GALNT13: variants seen among roughly 807,000 people sequenced by gnomAD.
GALNT13 encodes the protein UDP-GalNAc:polypeptide N-acetylgalactosaminyltransferase 13.
In GALNT13, 28 loss-of-function variants were observed where a neutral mutation model predicts 64.2. That is an observed-to-expected ratio of 0.44 (90% CI 0.32 to 0.60). GALNT13 has a LOEUF of 0.60. Ranked by LOEUF, GALNT13 falls within the 20% of genes least tolerant of loss-of-function variation. The pLI, the probability that GALNT13 is intolerant of heterozygous loss-of-function variation, is 0.05. For missense variants in GALNT13, 577 were observed against 669.8 expected (o/e 0.86, Z 1.53); for synonymous variants, 214 against 224.6 (o/e 0.95, Z 0.42).
chr2:153,642,429 A>G, the GALNT13 span, among the ~76,000 whole-genome samples: 4 of 151,914 alleles, frequency 2.6e-5, no homozygotes, highest in Non-Finnish European at 4.4e-5. Context: ...GACAAATACT[A>G]TAAAAATAGT....
At chr2:154,351,195 A>C (rs971552361) in intron 9 of GALNT13, among the ~76,000 whole-genome samples, 1 of 152,132 alleles carries the variant, frequency 6.6e-6, no homozygotes, top group African/African-American at 2.4e-5. Context: ...ATTCAGTCAA[A>C]GCTTTAATGG....
At chr2:153,171,537 T>C in the GALNT13 span, among the ~76,000 whole-genome samples, 2 of 152,298 alleles carry the variant, frequency 1.3e-5, no homozygotes, top group East Asian at 1.9e-4. Context: ...TATATGTTGG[T>C]GAATTTCTAA....
intron 9 of GALNT13, among the ~76,000 whole-genome samples, chr2:154,319,750 G>A (rs78267315): frequency 0.016 from 2,374 of 151,946 alleles, 23 homozygotes; most frequent in Middle Eastern, 0.048. Context: ...AAAAATATCA[G>A]TTAAATTGAG....
At chr2:154,301,279 G>T (rs1693426482) in intron 8 of GALNT13, 130 bp from the exon 9 acceptor site, 2 of 739,746 alleles carry the variant, frequency 2.7e-6, no homozygotes, top group Middle Eastern at 2.5e-4. Context: ...TAAGTATAGT[G>T]TACCAGTTCT....
chr2:154,110,361 A>AGG, intron 3 of GALNT13, among the ~76,000 whole-genome samples: 1 of 105,482 alleles, frequency 9.5e-6, no homozygotes, highest in Non-Finnish European at 1.8e-5. Context: ...AGAGAGAGAG[A>AGG]GAGAGAGAGA....
chr2:153,815,996 C>G, the GALNT13 span, among the ~76,000 whole-genome samples: 1 of 152,178 alleles, frequency 6.6e-6, no homozygotes, highest in Non-Finnish European at 1.5e-5. Context: ...TCAATTCACT[C>G]ACTCACAAGT....
chr2:154,038,222 C>T (rs957154084), intron 3 of GALNT13, among the ~76,000 whole-genome samples: 1 of 152,126 alleles, frequency 6.6e-6, no homozygotes. Flanking sequence ...AGGTTCAGTG[C>T]AATCCCTATT....
chr2:154,069,643 G>A (rs1263362150), intron 3 of GALNT13, among the ~76,000 whole-genome samples: 2 of 151,834 alleles, frequency 1.3e-5, no homozygotes, highest in Non-Finnish European at 2.9e-5. Flanking sequence ...GAAGAAGAAT[G>A]CATATTACCA....
At chr2:154,062,524 A>G (rs1037773456) in intron 3 of GALNT13, among the ~76,000 whole-genome samples, 29 of 152,138 alleles carry the variant, frequency 1.9e-4, no homozygotes, top group Non-Finnish European at 3.8e-4. Context: ...GAAACTTACA[A>G]TCATGTGGAA....
the GALNT13 span, among the ~76,000 whole-genome samples, chr2:153,306,361 C>T: frequency 2.0e-5 from 3 of 152,062 alleles, no homozygotes; most frequent in Middle Eastern, 3.2e-3. Flanking sequence ...TACTCATGTG[C>T]GATACAATAT....
the GALNT13 span, among the ~76,000 whole-genome samples, chr2:153,380,185 T>A: frequency 6.6e-6 from 1 of 152,164 alleles, no homozygotes; most frequent in African/African-American, 2.4e-5. Flanking sequence ...GAAAAATGGA[T>A]GGTTGCACCT....
chr2:153,421,539 C>G, the GALNT13 span: 1 of 232,376 alleles, frequency 4.3e-6, no homozygotes, highest in African/African-American at 2.3e-5. Context: ...AACCCAGAAC[C>G]AGTTTCTCCA....
intron 9 of GALNT13, among the ~76,000 whole-genome samples, chr2:154,340,484 T>A (rs1695698308): frequency 6.6e-6 from 1 of 152,178 alleles, no homozygotes; most frequent in African/African-American, 2.4e-5. Flanking sequence ...TTCTTGATGA[T>A]GACTTCAATT....
At chr2:154,295,217 A>T (rs1692848117) in intron 8 of GALNT13, among the ~76,000 whole-genome samples, 1 of 152,122 alleles carries the variant, frequency 6.6e-6, no homozygotes, top group African/African-American at 2.4e-5. Context: ...TGGAGTACAG[A>T]TTTAAAATGA....
intron 3 of GALNT13, among the ~76,000 whole-genome samples, chr2:154,077,877 A>G (rs1029022330): frequency 6.6e-6 from 1 of 151,556 alleles, no homozygotes; most frequent in African/African-American, 2.4e-5. Context: ...TTCAAATAAT[A>G]TATCTTAGGA....
chr2:154,291,075 T>G (rs1182458387), intron 8 of GALNT13, among the ~76,000 whole-genome samples: 1 of 152,002 alleles, frequency 6.6e-6, no homozygotes, highest in African/African-American at 2.4e-5. Flanking sequence ...AGAACAAACC[T>G]TCCACAGCGT....
intron 4 of GALNT13, among the ~76,000 whole-genome samples, chr2:154,185,953 T>A (rs1259258760): frequency 6.6e-6 from 1 of 152,070 alleles, no homozygotes; most frequent in Non-Finnish European, 1.5e-5. Flanking sequence ...AAATATTTTT[T>A]ACTTAATTAT....
At chr2:154,087,386 T>G (rs754011292) in intron 3 of GALNT13, among the ~76,000 whole-genome samples, 1 of 152,098 alleles carries the variant, frequency 6.6e-6, no homozygotes, top group African/African-American at 2.4e-5. Context: ...TAGCACTTAT[T>G]ATATCTTGAT....
the GALNT13 span, among the ~76,000 whole-genome samples, chr2:153,698,446 G>C: frequency 4.6e-5 from 7 of 152,216 alleles, no homozygotes; most frequent in East Asian, 7.7e-4. Flanking sequence ...CACAATCCTA[G>C]TCTCTGACAA....
Sources: gnomAD v4.1 joint callset for allele counts (sites outside exome capture counted in the v4.1 genomes callset) on GRCh38, gnomAD v4.1.1 for gene constraint, MANE v1.5 for transcripts, NCBI Gene and HGNC (gene_info 2026-07-23, HGNC 2026-07-21) for gene names.